The following CCDC85A variants were observed in gnomAD, a reference collection of about 807,000 sequenced individuals.
CCDC85A encodes coiled-coil domain containing 85A.
CCDC85A carries 38 observed loss-of-function variants against 50.2 expected under a neutral mutation model. The ratio of observed to expected loss-of-function variants is 0.76; its 90% CI spans 0.58 to 0.99. The LOEUF (loss-of-function observed/expected upper bound fraction) is 0.99. Ranked by LOEUF, CCDC85A falls within the 50% of genes least tolerant of loss-of-function variation. CCDC85A has a pLI of 0.00. For missense variants in CCDC85A, 820 were observed against 742.0 expected (o/e 1.11, Z -1.22); for synonymous variants, 366 against 301.4 (o/e 1.21, Z -2.22).
intron 2 of CCDC85A, among the ~76,000 whole-genome samples, chr2:56,260,530 G>C (rs1670175375): frequency 6.6e-6 from 1 of 152,154 alleles, no homozygotes; most frequent in Non-Finnish European, 1.5e-5. Context: ...TAATGTCATG[G>C]TAGCTTTTTT....
At chr2:56,311,092 G>A (rs1235659387) in intron 2 of CCDC85A, among the ~76,000 whole-genome samples, 4 of 152,078 alleles carry the variant, frequency 2.6e-5, no homozygotes, top group African/African-American at 4.8e-5. Context: ...TTTGACTTAT[G>A]ACATAAGCTA....
intron 2 of CCDC85A, among the ~76,000 whole-genome samples, chr2:56,324,337 G>A (rs1673361152): frequency 6.6e-6 from 1 of 152,020 alleles, no homozygotes; most frequent in African/African-American, 2.4e-5. Context: ...TTTGTCTTCT[G>A]TCAAGGGGGA....
chr2:56,379,693 C>G lies in CCDC85A; in HGVS notation c.1572+3758C>G, dbSNP rs562399532. On this transcript the variant is annotated intron_variant, in intron 5 of 5. Coordinates refer to ENST00000407595, the MANE Select transcript of CCDC85A (RefSeq NM_001080433.2). ...AAGTGGAGCTCCTTGATGGTTTTAT[C>G]ATAACTAACAAGCTTTTTTCCATGT... The G allele has an allele frequency of 1.8e-4, 96 of 538,814 alleles. 1 individual carries two copies. In the South Asian group the frequency reaches 6.2e-3, roughly 35 times the overall value. 33.4% of individuals were successfully genotyped at this position (538,814 alleles called of 1,614,324 possible).
chr2:56,282,488 T>A (rs563623707), intron 2 of CCDC85A, among the ~76,000 whole-genome samples: 1 of 152,324 alleles, frequency 6.6e-6, no homozygotes, highest in East Asian at 1.9e-4. Flanking sequence ...TAATATGAAA[T>A]CTTCTCATTG....
chr2:56,197,215 G>C (rs1676561273), intron 2 of CCDC85A, among the ~76,000 whole-genome samples: 1 of 152,144 alleles, frequency 6.6e-6, no homozygotes, highest in Non-Finnish European at 1.5e-5. Flanking sequence ...TTTCTTTACA[G>C]CTACACTGTT....
At position 56,224,254 on chromosome 2, in the gene CCDC85A, T is replaced by C. The variant is rs544100612; in HGVS notation, c.1240+30814T>C. ...TGTGACTATCTTCACTCATTTAATA[T>C]GTTGTTTTCAAGGTTTATTCATCTT... On this transcript the variant is annotated intron_variant, in intron 2 of 5. Coordinates refer to ENST00000407595, the MANE Select transcript of CCDC85A (RefSeq NM_001080433.2). Among the ~76,000 whole-genome samples, 5 of 152,318 alleles carry C rather than the reference T, an allele frequency of 3.3e-5. No homozygotes were observed. In the East Asian group the frequency reaches 9.6e-4, roughly 29 times the overall value.
Position 56,310,670 on chromosome 2 carries a change from C to T in CCDC85A, c.1241-32209C>T, listed in dbSNP as rs1041210663. Among the ~76,000 whole-genome samples, 3 of 152,232 alleles carry T rather than the reference C, an allele frequency of 2.0e-5. No homozygotes were observed. The East Asian group carries it at 5.8e-4, about 29-fold the overall frequency. On this transcript the variant is annotated intron_variant, in intron 2 of 5. Transcript: ENST00000407595. ...AGATGACAAAAGAAAAATGGGATTT[C>T]TGTTATCAGAGCTGTTCCCCTGACA...
Position 56,353,338 on chromosome 2 carries a change from G to A in CCDC85A, c.1317+10383G>A, listed in dbSNP as rs76160537. ...TTCTTTATATAAAATCATGTATAAT[G>A]AACATAAAAGTTCTAGTTTTCCCTA... On this transcript the variant is annotated intron_variant, in intron 3 of 5. Coordinates refer to ENST00000407595, the MANE Select transcript of CCDC85A (RefSeq NM_001080433.2). Among the ~76,000 whole-genome samples, 824 of 152,210 alleles carry A rather than the reference G, an allele frequency of 5.4e-3. 7 individuals carry two copies. Among genetic ancestry groups the A allele is most frequent in the African/African-American group, 0.019 (773 of 41,526 alleles).
At chr2:56,327,172 A>G (rs1436564217) in intron 2 of CCDC85A, among the ~76,000 whole-genome samples, 1 of 152,226 alleles carries the variant, frequency 6.6e-6, no homozygotes, top group African/African-American at 2.4e-5. Context: ...CTTTAGAAAG[A>G]CTATCTTAGC....
intron 2 of CCDC85A, among the ~76,000 whole-genome samples, chr2:56,223,465 C>A (rs1317249196): frequency 1.3e-5 from 2 of 152,124 alleles, no homozygotes; most frequent in South Asian, 2.1e-4. Flanking sequence ...AACTATTGCT[C>A]TACAAAATGG....
In CCDC85A at chr2:56,385,518, T is replaced by A. The variant is rs985365327; in HGVS notation, c.*1163T>A. 1 of 152,230 alleles carries A rather than the reference T, an allele frequency of 6.6e-6. No homozygotes were observed. The highest frequency in any genetic ancestry group is 1.5e-5 in the Non-Finnish European group (1 of 67,822). The allele number at this position is 152,230 out of a possible 1,614,324, so 9.4% of individuals were successfully genotyped here. ...GTATTTTGTGTTAATCCAAATGCAATGATAGTTTCTTGTATGAATGTGCAA... is the reference window on the plus strand; with the variant it reads ...GTATTTTGTGTTAATCCAAATGCAAAGATAGTTTCTTGTATGAATGTGCAA... On this transcript the variant is annotated 3_prime_UTR_variant, in exon 6 of 6. Coordinates refer to ENST00000407595, the MANE Select transcript of CCDC85A (RefSeq NM_001080433.2).
chr2:56,381,023 G>C (rs1676561285), intron 5 of CCDC85A, among the ~76,000 whole-genome samples: 1 of 152,060 alleles, frequency 6.6e-6, no homozygotes, highest in Admixed American at 6.6e-5. Context: ...TCCTCGAGGT[G>C]TTTCTGGAAT....
chr2:56,220,564 A>C (rs930537367), intron 2 of CCDC85A, among the ~76,000 whole-genome samples: 1 of 152,054 alleles, frequency 6.6e-6, no homozygotes, highest in Non-Finnish European at 1.5e-5. Flanking sequence ...TTCTCCAGAA[A>C]CTTTATCACT....
intron 2 of CCDC85A, among the ~76,000 whole-genome samples, chr2:56,311,048 T>C (rs1047241400): frequency 1.3e-5 from 2 of 152,204 alleles, no homozygotes; most frequent in African/African-American, 4.8e-5. Context: ...TCCTTAGACC[T>C]TTCCATGGAT....
chr2:56,247,430 C>T (rs1190850153), intron 2 of CCDC85A, among the ~76,000 whole-genome samples: 1 of 152,146 alleles, frequency 6.6e-6, no homozygotes, highest in Non-Finnish European at 1.5e-5. Context: ...CTGTATACAT[C>T]ATGCAACTGG....
chr2:56,265,245 T>C (rs1401357226), intron 2 of CCDC85A, among the ~76,000 whole-genome samples: 2 of 152,196 alleles, frequency 1.3e-5, no homozygotes, highest in African/African-American at 4.8e-5. Context: ...CTTTGCCAGA[T>C]GTGTCAAAGT....
chr2:56,315,117 G>A (rs545746228), intron 2 of CCDC85A, among the ~76,000 whole-genome samples: 1 of 152,252 alleles, frequency 6.6e-6, no homozygotes, highest in African/African-American at 2.4e-5. Context: ...TCGCCACTGG[G>A]AATGTGTTTT....
rs1336192523 is a variant in CCDC85A at position 56,329,943 on chromosome 2, C to CTTT, written c.1241-12935_1241-12934insTTT. Among the ~76,000 whole-genome samples the CTTT allele has an allele frequency of 3.2e-3, 73 of 22,868 alleles. 3 individuals carry two copies. The highest frequency in any genetic ancestry group is 0.016 in the East Asian group (12 of 746). The allele number at this position is 22,868 out of a possible 152,430, so 15.0% of individuals were successfully genotyped here. Reference sequence around the variant, plus strand: ...TGAAAATTTGTTTTTTACAGATTTCCTGTTTTTTTTTTTTTTTTTTTTTTT... The same window carrying CTTT: ...TGAAAATTTGTTTTTTACAGATTTCCTTTTGTTTTTTTTTTTTTTTTTTTTTTT... On this transcript the variant is annotated intron_variant, in intron 2 of 5. Coordinates refer to ENST00000407595, the MANE Select transcript of CCDC85A (RefSeq NM_001080433.2).
chr2:56,361,606 T>C (rs140039779), intron 3 of CCDC85A, among the ~76,000 whole-genome samples: 72 of 152,258 alleles, frequency 4.7e-4, no homozygotes, highest in African/African-American at 1.7e-3. Context: ...AAAGGAAGTA[T>C]GGAAAAGAGT....
Sources: gnomAD v4.1 joint callset for allele counts (sites outside exome capture counted in the v4.1 genomes callset) on GRCh38, gnomAD v4.1.1 for gene constraint, MANE v1.5 for transcripts, NCBI Gene and HGNC (gene_info 2026-07-23, HGNC 2026-07-21) for gene names.